SYNE1: variants seen among roughly 807,000 people sequenced by gnomAD.
SYNE1 encodes the protein nesprin-1.
A neutral mutation model predicts 1,111.0 loss-of-function variants in SYNE1; 616 were observed. That is an observed-to-expected ratio of 0.55 (90% confidence interval 0.52 to 0.59). The LOEUF (loss-of-function observed/expected upper bound fraction) is 0.59. SYNE1 is among the 20% of genes least tolerant of loss of function. SYNE1 has a pLI of 0.00. For missense variants in SYNE1, 10,006 were observed against 10,417.0 expected, an observed-to-expected ratio of 0.96 and a Z score of 1.72; for synonymous variants, 3,855 against 3,825.8, an observed-to-expected ratio of 1.01 and a Z score of -0.28.
chr6:152,409,332 AT>A (rs1236014102), intron 43 of SYNE1, 106 bp from the exon 44 acceptor site: 1 of 1,216,876 alleles, frequency 8.2e-7, no homozygotes, highest in African/African-American at 1.5e-5. Flanking sequence ...TTATGCAGAA[AT>A]TAGTGATAGT....
At chr6:152,243,743 G>A (rs1433706281) in intron 106 of SYNE1, among the ~76,000 whole-genome samples, 1 of 152,198 alleles carries the variant, frequency 6.6e-6, no homozygotes, top group East Asian at 1.9e-4. Context: ...GTACTGGACT[G>A]AGGTTACCAG....
chr6:152,411,940 T>C (rs1592153759), intron 42 of SYNE1, among the ~76,000 whole-genome samples: 1 of 152,126 alleles, frequency 6.6e-6, no homozygotes, highest in Admixed American at 6.5e-5. Flanking sequence ...TGCTATACAA[T>C]CCAGAGTCTC....
Position 152,294,020 on chromosome 6 carries a change from C to T in SYNE1, c.17790G>A (p.Glu5930=), listed in dbSNP as rs760378231. Residue 5930 remains glutamate, a synonymous_variant, in exon 94 of 146, where the codon GAG becomes GAA. Coordinates refer to ENST00000367255, the MANE Select transcript of SYNE1 (RefSeq NM_182961.4). ...CACCCAGTTTGGCAGTAGCGGATGG[C>T]TCCAATCCCGGTTCATAGAACTCCT... ...ASQEFYEPGL[E]PSATAKLGDL... The T allele has an allele frequency of 6.2e-7, 1 of 1,614,128 alleles. No individual in the cohort carries two copies. The highest frequency in any genetic ancestry group is 2.2e-5 in the East Asian group (1 of 44,882).
At chr6:152,276,985 G>C (rs1404736649) in intron 98 of SYNE1, among the ~76,000 whole-genome samples, 4 of 149,288 alleles carry the variant, frequency 2.7e-5, no homozygotes, top group African/African-American at 9.9e-5. Flanking sequence ...CCCAGGTTCA[G>C]GTTCAGGAGA....
intron 98 of SYNE1, chr6:152,277,866 C>G (rs975269671): frequency 1.7e-6 from 1 of 602,426 alleles, no homozygotes; most frequent in African/African-American, 1.8e-5. Context: ...TCCACCACTC[C>G]GCTGAACAGC....
chr6:152,341,948 G>A (rs1376412326), intron 74 of SYNE1, among the ~76,000 whole-genome samples: 1 of 150,990 alleles, frequency 6.6e-6, no homozygotes, highest in Non-Finnish European at 1.5e-5. Flanking sequence ...ACTTGCCAAG[G>A]GAAAAACTAA....
In SYNE1 at chr6:152,381,031, A is replaced by G. The variant is rs527822279; in HGVS notation, c.8984T>C (p.Ile2995Thr). ...LLEGKNTDEE[I>T]VECWHKGQEI... ...TTGTCCTTTGTGCCAGCATTCCACTATCTCCTCATCCGTGTTCTTGCCTTC... is the reference window on the plus strand; with the variant it reads ...TTGTCCTTTGTGCCAGCATTCCACTGTCTCCTCATCCGTGTTCTTGCCTTC... The change falls in exon 56 of 146, where the codon ATA (isoleucine) becomes ACA (threonine). Residue 2995 changes from isoleucine (I) to threonine (T), a missense_variant. Transcript: ENST00000367255. 7 of 1,614,138 alleles carry G rather than the reference A, an allele frequency of 4.3e-6. No individual in the cohort carries two copies. The East Asian group carries it at 8.9e-5, about 21-fold the overall frequency.
chr6:152,432,141 T>C (rs2098435641), intron 34 of SYNE1, among the ~76,000 whole-genome samples: 1 of 152,160 alleles, frequency 6.6e-6, no homozygotes, highest in African/African-American at 2.4e-5. Flanking sequence ...CAGCATATGT[T>C]CTTATCATTT....
At chr6:152,573,846 C>G (rs2099484028) in intron 3 of SYNE1, among the ~76,000 whole-genome samples, 1 of 152,090 alleles carries the variant, frequency 6.6e-6, no homozygotes. Context: ...GCATCATATA[C>G]AGCAAACTTC....
chr6:152,532,197 G>A (rs1022784966), intron 4 of SYNE1, among the ~76,000 whole-genome samples: 5 of 152,100 alleles, frequency 3.3e-5, no homozygotes, highest in East Asian at 1.9e-4. Context: ...CTTAGAATCC[G>A]TATTGACCAA....
rs558894456 is a variant in SYNE1 at position 152,198,112 on chromosome 6, A to C, written c.23145+3712T>G. Among the ~76,000 whole-genome samples, 3 of 152,202 alleles carry C rather than the reference A, an allele frequency of 2.0e-5. No individual in the cohort carries two copies. In the South Asian group the frequency reaches 6.2e-4, roughly 32 times the overall value. ...AGGAAGGGAGGGAGGGAGGGTAACC[A>C]CTTCCATCAATGATCTTAGCTAGAT... On this transcript the variant is annotated intron_variant, in intron 127 of 145. Coordinates refer to ENST00000367255, the MANE Select transcript of SYNE1 (RefSeq NM_182961.4).
Position 152,526,159 on chromosome 6 carries a change from A to G in SYNE1, c.146T>C (p.Val49Ala), listed in dbSNP as rs1215219803. The G allele has an allele frequency of 6.2e-7, 1 of 1,614,070 alleles. No homozygotes were observed. The highest frequency in any genetic ancestry group is 1.1e-5 in the South Asian group (1 of 91,086). ...CATGTCTTCAAAAAGATCGTCCACC[A>G]CCATTGGAGGTTTCCGCTGTAAAAG... ...SHLAKRKPPM[V>A]VDDLFEDMKD... The change falls in exon 5 of 146, where the codon GTG (valine) becomes GCG (alanine). Residue 49 changes from valine to alanine, a missense_variant. Physicochemically the swap from Val to Ala is moderately conservative, Grantham distance 64. Around this residue, in one of 7 missense-constraint regions of SYNE1, gnomAD observed 1,971 missense variants for 2,084.1 expected, o/e 0.95. Transcript: ENST00000367255.
chr6:152,626,635 C>A (rs2128963421), intron 3 of SYNE1, among the ~76,000 whole-genome samples: 1 of 152,280 alleles, frequency 6.6e-6, no homozygotes, highest in East Asian at 1.9e-4. Flanking sequence ...TTTTATCTAA[C>A]AAGGCTCTTT....
intron 100 of SYNE1, among the ~76,000 whole-genome samples, chr6:152,267,195 C>A (rs1316676726): frequency 6.6e-6 from 1 of 152,118 alleles, no homozygotes; most frequent in Non-Finnish European, 1.5e-5. Context: ...TATGTTACTT[C>A]CCCTAAAAAA....
At chr6:152,450,424 G>C (rs760785837) in intron 27 of SYNE1, among the ~76,000 whole-genome samples, 1 of 152,232 alleles carries the variant, frequency 6.6e-6, no homozygotes. Flanking sequence ...TTGCCTCAAA[G>C]AGATAACATC....
chr6:152,251,946 G>A (rs1385263493), intron 104 of SYNE1, among the ~76,000 whole-genome samples: 1 of 151,816 alleles, frequency 6.6e-6, no homozygotes, highest in Non-Finnish European at 1.5e-5. Context: ...TAGCCATTGA[G>A]AAACAGATTT....
chr6:152,433,709 G>T, intron 34 of SYNE1, 86 bp downstream of exon 34: 4 of 1,505,266 alleles, frequency 2.7e-6, no homozygotes, highest in Non-Finnish European at 3.7e-6. Context: ...GTCTTGTCCT[G>T]GGACCGAACA....
chr6:152,526,048 T>C, intron 5 of SYNE1, 32 bp downstream of exon 5: 1 of 1,596,370 alleles, frequency 6.3e-7, no homozygotes, highest in Non-Finnish European at 8.6e-7. Flanking sequence ...GGAAACAATT[T>C]GACAAGTATG....
At chr6:152,155,856 T>C in intron 132 of SYNE1, 54 bp downstream of exon 132, 1 of 1,607,072 alleles carries the variant, frequency 6.2e-7, no homozygotes, top group Non-Finnish European at 8.5e-7. Flanking sequence ...TGGGTGATTT[T>C]TATTTTCTTT....
Sources: gnomAD v4.1 joint callset for allele counts (sites outside exome capture counted in the v4.1 genomes callset) on GRCh38, gnomAD v4.1.1 for gene constraint, gnomAD v4.1.1 regional missense constraint, MANE v1.5 for transcripts, NCBI Gene and HGNC (gene_info 2026-07-23, HGNC 2026-07-21) for gene names.